Variants in PTPRG observed in about 807,000 individuals in gnomAD.
PTPRG encodes the protein protein tyrosine phosphatase receptor type G.
In PTPRG, 102 loss-of-function variants were observed where a neutral mutation model predicts 165.3. The ratio of observed to expected loss-of-function variants is 0.62; its 90% CI spans 0.53 to 0.73. PTPRG has a LOEUF of 0.73. Among genes scored for constraint, PTPRG ranks in the 30% least tolerant of loss-of-function variants. The pLI is 0.00. For synonymous variants in PTPRG, 675 were observed against 669.5 expected (o/e 1.01, Z -0.13); for missense variants, 1,866 against 1,861.4 (o/e 1.00, Z -0.05).
chr3:61,775,279 C>T (rs938529512), intron 2 of PTPRG, among the ~76,000 whole-genome samples: 3 of 152,112 alleles, frequency 2.0e-5, no homozygotes, highest in African/African-American at 7.2e-5. Flanking sequence ...CCATGGTGGC[C>T]AGGCTGGTCT....
intron 1 of PTPRG, among the ~76,000 whole-genome samples, chr3:61,640,559 T>C (rs1702034492): frequency 6.6e-6 from 1 of 152,190 alleles, no homozygotes; most frequent in African/African-American, 2.4e-5. Context: ...ATTTAACAGA[T>C]GAAGCAAATG....
chr3:61,571,935 C>T (rs761453932), intron 1 of PTPRG, among the ~76,000 whole-genome samples: 7 of 152,116 alleles, frequency 4.6e-5, no homozygotes, highest in Non-Finnish European at 1.0e-4. Flanking sequence ...CAATTTCTTT[C>T]GGGTTGTTTG....
intron 1 of PTPRG, among the ~76,000 whole-genome samples, chr3:61,681,240 G>T (rs887189958): frequency 1.3e-5 from 2 of 152,000 alleles, no homozygotes. Context: ...GGCATTCCTG[G>T]ATCTGTTAAA....
chr3:61,824,715 C>G (rs764932081), intron 2 of PTPRG, among the ~76,000 whole-genome samples: 6 of 152,150 alleles, frequency 3.9e-5, no homozygotes, highest in Non-Finnish European at 8.8e-5. Flanking sequence ...CAGTCAAGCC[C>G]AGGAAGTCAA....
chr3:61,995,616 G>C (rs2041015395), intron 3 of PTPRG, among the ~76,000 whole-genome samples: 1 of 151,686 alleles, frequency 6.6e-6, no homozygotes, highest in African/African-American at 2.4e-5. Flanking sequence ...GGGTGTGTAG[G>C]TATTGTGTAT....
At chr3:62,231,897 A>G (rs1044412308) in intron 14 of PTPRG, among the ~76,000 whole-genome samples, 1 of 152,082 alleles carries the variant, frequency 6.6e-6, no homozygotes, top group Non-Finnish European at 1.5e-5. Context: ...ATTGTCCTGG[A>G]AAGAGTTATA....
chr3:62,102,832 A>C (rs1312287522), intron 5 of PTPRG, among the ~76,000 whole-genome samples: 1 of 152,178 alleles, frequency 6.6e-6, no homozygotes, highest in African/African-American at 2.4e-5. Flanking sequence ...GCTGAAATCT[A>C]AAAGTTGCTC....
At chr3:61,638,784 G>A (rs1289344663) in intron 1 of PTPRG, among the ~76,000 whole-genome samples, 2 of 151,728 alleles carry the variant, frequency 1.3e-5, no homozygotes, top group African/African-American at 2.4e-5. Flanking sequence ...TTGTTCAGTT[G>A]TTTAAATTCC....
chr3:61,698,740 T>C (rs545937740), intron 1 of PTPRG, among the ~76,000 whole-genome samples: 1 of 152,320 alleles, frequency 6.6e-6, no homozygotes, highest in South Asian at 2.1e-4. Flanking sequence ...ACTTAATTCA[T>C]TTTAAATAAC....
intron 2 of PTPRG, among the ~76,000 whole-genome samples, chr3:61,764,640 A>G (rs1356327671): frequency 2.0e-5 from 3 of 152,262 alleles, no homozygotes; most frequent in Admixed American, 2.0e-4. Flanking sequence ...CCTTGTGGCT[A>G]TGTGAGGTAA....
At chr3:61,748,775 G>A in intron 1 of PTPRG, 103 bp from the exon 2 acceptor site, 1 of 853,368 alleles carries the variant, frequency 1.2e-6, no homozygotes, top group East Asian at 2.7e-5. Flanking sequence ...TCATCCTCAA[G>A]GACTATGATT....
intron 12 of PTPRG, among the ~76,000 whole-genome samples, chr3:62,206,113 CT>C: frequency 6.6e-6 from 1 of 152,286 alleles, no homozygotes; most frequent in South Asian, 2.1e-4. Context: ...AATGTGGCTG[CT>C]GAGAGCTTAG....
intron 2 of PTPRG, among the ~76,000 whole-genome samples, chr3:61,940,858 G>GT (rs773937599): frequency 3.9e-5 from 6 of 151,986 alleles, no homozygotes; most frequent in African/African-American, 1.4e-4. Flanking sequence ...TAGAGATGGG[G>GT]TTTCACCGTG....
chr3:62,066,385 A>T (rs1701013643), intron 4 of PTPRG, among the ~76,000 whole-genome samples: 1 of 152,206 alleles, frequency 6.6e-6, no homozygotes, highest in Non-Finnish European at 1.5e-5. Flanking sequence ...CTATGTTGTC[A>T]TGGAAATTCT....
At chr3:61,618,218 T>C (rs541251232) in intron 1 of PTPRG, among the ~76,000 whole-genome samples, 1 of 152,224 alleles carries the variant, frequency 6.6e-6, no homozygotes, top group Non-Finnish European at 1.5e-5. Flanking sequence ...TTTGTATTTC[T>C]GGCAAATTGT....
intron 2 of PTPRG, among the ~76,000 whole-genome samples, chr3:61,829,851 A>G (rs1287311684): frequency 6.6e-6 from 1 of 152,144 alleles, no homozygotes; most frequent in African/African-American, 2.4e-5. Context: ...ATGAAAGGAG[A>G]CAGAGCGCCT....
At chr3:62,081,859 G>T (rs544716019) in intron 5 of PTPRG, among the ~76,000 whole-genome samples, 1 of 152,194 alleles carries the variant, frequency 6.6e-6, no homozygotes, top group South Asian at 2.1e-4. Context: ...TTCAAACCTG[G>T]CATCTTACAT....
intron 2 of PTPRG, among the ~76,000 whole-genome samples, chr3:61,755,782 T>C (rs2033615993): frequency 6.6e-6 from 1 of 152,184 alleles, no homozygotes; most frequent in African/African-American, 2.4e-5. Context: ...TGAAGAGGAT[T>C]GGAGTTAGAC....
intron 5 of PTPRG, among the ~76,000 whole-genome samples, chr3:62,082,378 A>C (rs1288444959): frequency 1.3e-5 from 2 of 152,140 alleles, no homozygotes; most frequent in East Asian, 3.9e-4. Flanking sequence ...TTGTCCAATG[A>C]ACCCTTACAT....
Sources: allele counts gnomAD v4.1 joint callset (sites outside exome capture counted in the v4.1 genomes callset), GRCh38; gene constraint gnomAD v4.1.1; transcripts MANE v1.5; gene names NCBI Gene and HGNC (gene_info 2026-07-23, HGNC 2026-07-21).